The following UNC80 variants were observed in gnomAD, a reference collection of about 807,000 sequenced individuals.
The protein encoded by UNC80 is protein unc-80 homolog.
In UNC80, 164 loss-of-function variants were observed where a neutral mutation model predicts 384.6. That is an observed-to-expected ratio of 0.43 (90% CI 0.38 to 0.49). The LOEUF is 0.49. Among genes scored for constraint, UNC80 ranks in the 20% least tolerant of loss-of-function variants. The pLI, the probability that UNC80 is intolerant of heterozygous loss-of-function variation, is 0.00. For missense variants in UNC80, 3,330 were observed against 4,143.0 expected (o/e 0.80, Z 5.39); for synonymous variants, 1,486 against 1,527.8 (o/e 0.97, Z 0.64).
intron 10 of UNC80, among the ~76,000 whole-genome samples, chr2:209,817,332 T>C (rs2079812514): frequency 6.6e-6 from 1 of 152,122 alleles, no homozygotes; most frequent in Non-Finnish European, 1.5e-5. Context: ...AAGAGTTCTG[T>C]GAAATTGGAC....
At chr2:209,956,393 C>G (rs2092418432) in intron 48 of UNC80, among the ~76,000 whole-genome samples, 1 of 6,770 alleles carries the variant, frequency 1.5e-4, no homozygotes, top group South Asian at 5.8e-3. Context: ...GAATGAACTT[C>G]CAAGCTCATT....
intron 28 of UNC80, 70 bp from the exon 29 acceptor site, chr2:209,904,695 C>T (rs1416876075): frequency 2.4e-5 from 32 of 1,343,074 alleles, no homozygotes; most frequent in Non-Finnish European, 3.1e-5. Flanking sequence ...CCATCTTCCA[C>T]CCCATAGATA....
chr2:209,869,888 G>C (rs1295112234), intron 22 of UNC80, among the ~76,000 whole-genome samples: 1 of 152,162 alleles, frequency 6.6e-6, no homozygotes, highest in African/African-American at 2.4e-5. Context: ...GAGCACAGGA[G>C]AATTGAAATT....
Position 209,820,613 on chromosome 2 carries a change from TGATGGAGGAGGA to T in UNC80, c.2267_2278del (p.Asp756_Gly759del). 1 of 1,544,062 alleles carries T rather than the reference TGATGGAGGAGGA, an allele frequency of 6.5e-7. No homozygotes were observed. The highest frequency in any genetic ancestry group is 8.7e-7 in the Non-Finnish European group (1 of 1,143,912). ...GTGGAGATGGAGGAGGTGGAGGAGG[TGATGGAGGAGGA>T]GGTGGAGGAGGTGGAGGCGGCCCTT... On this transcript the variant is annotated inframe_deletion, in exon 13 of 65. Coordinates refer to ENST00000673920, the MANE Select transcript of UNC80 (RefSeq NM_001371986.1).
rs878921076 is a variant in UNC80, at chr2:209,978,584, C to T, written c.8994C>T (p.Arg2998=). The change falls in exon 59 of 65, where the codon CGC becomes CGT. Residue 2998 remains arginine (R), a synonymous_variant. Coordinates refer to ENST00000673920, the MANE Select transcript of UNC80 (RefSeq NM_001371986.1). The stretch of plus-strand genomic sequence containing the variant: ...TGGGCACCTCCACCTCTGCTTACCG[C>T]CTGAGCTTGGCCACCATGTCCCGCT... ...STVGTSTSAY[R]LSLATMSRSN... 3.9e-6 allele frequency: 6 copies of T among 1,551,364 alleles called. No homozygotes were observed. Among genetic ancestry groups the T allele is most frequent in the Middle Eastern group, 1.7e-4 (1 of 5,990 alleles).
At chr2:209,950,860 A>AT (rs34495564) in intron 47 of UNC80, among the ~76,000 whole-genome samples, 29,522 of 148,234 alleles carry the variant, frequency 0.2, 3,000 homozygotes, top group East Asian at 0.22. Context: ...ACCCAGCTGG[A>AT]TTTTTTTTTT....
At chr2:209,774,102 A>G (rs981242424) in intron 2 of UNC80, among the ~76,000 whole-genome samples, 1 of 152,234 alleles carries the variant, frequency 6.6e-6, no homozygotes, top group Non-Finnish European at 1.5e-5. Context: ...ATTTACAAAT[A>G]GCTATGTGGA....
At chr2:209,845,412 A>T (rs1381538182) in intron 21 of UNC80, among the ~76,000 whole-genome samples, 1 of 152,150 alleles carries the variant, frequency 6.6e-6, no homozygotes. Context: ...CTTCTTATTC[A>T]TGTTCCAAAC....
In UNC80 at chr2:209,777,541, C is replaced by T. The variant is rs1468436229; in HGVS notation, c.582C>T (p.Pro194=). 1.9e-6 allele frequency: 3 copies of T among 1,610,882 alleles called. No individual in the cohort carries two copies. Among genetic ancestry groups the T allele is most frequent in the South Asian group, 1.1e-5 (1 of 90,424 alleles). ...TVELFVFLFA[P]LVHRIKESDL... ...AGCTCTTCGTGTTTCTGTTTGCTCC[C>T]CTGGTACACAGGATCAAGGTAAGCA... The change falls in exon 4 of 65, where the codon CCC becomes CCT. Residue 194 remains proline, a synonymous_variant. Coordinates refer to ENST00000673920, the MANE Select transcript of UNC80 (RefSeq NM_001371986.1).
chr2:209,868,854 C>A (rs1369980451), intron 22 of UNC80, among the ~76,000 whole-genome samples: 1 of 152,152 alleles, frequency 6.6e-6, no homozygotes, highest in Non-Finnish European at 1.5e-5. Flanking sequence ...ATTTTGCCTT[C>A]CCAGTTAAAA....
intron 29 of UNC80, among the ~76,000 whole-genome samples, chr2:209,909,453 C>T (rs763769695): frequency 7.2e-5 from 11 of 152,174 alleles, no homozygotes; most frequent in Non-Finnish European, 1.2e-4. Context: ...CTGCTTCTTT[C>T]CGCATCATCT....
intron 7 of UNC80, among the ~76,000 whole-genome samples, chr2:209,801,633 G>A (rs141844088): frequency 2.7e-5 from 4 of 148,084 alleles, no homozygotes; most frequent in East Asian, 2.0e-4. Context: ...CACCCACCTC[G>A]GCCTCCCAAA....
intron 35 of UNC80, among the ~76,000 whole-genome samples, chr2:209,925,107 T>C (rs2090326186): frequency 6.6e-6 from 1 of 151,980 alleles, no homozygotes; most frequent in Non-Finnish European, 1.5e-5. Flanking sequence ...TTTTTTGTTG[T>C]TTTTTTAATA....
At chr2:209,905,338 A>C (rs1379541247) in intron 29 of UNC80, among the ~76,000 whole-genome samples, 1 of 152,174 alleles carries the variant, frequency 6.6e-6, no homozygotes, top group African/African-American at 2.4e-5. Context: ...TGTGATTGAA[A>C]ATTTTACAGT....
intron 28 of UNC80, among the ~76,000 whole-genome samples, chr2:209,902,272 G>C (rs773843244): frequency 1.7e-4 from 26 of 152,172 alleles, no homozygotes; most frequent in Non-Finnish European, 2.9e-4. Flanking sequence ...AAACTTGAGT[G>C]GGTGAGGAAG....
intron 59 of UNC80, among the ~76,000 whole-genome samples, chr2:209,979,813 T>A (rs2093113937): frequency 6.6e-6 from 1 of 152,228 alleles, no homozygotes; most frequent in African/African-American, 2.4e-5. Context: ...AATTTAGATC[T>A]TCACTCAGAG....
chr2:209,935,579 A>G, intron 39 of UNC80, 135 bp from the exon 40 acceptor site: 1 of 372,436 alleles, frequency 2.7e-6, no homozygotes, highest in Non-Finnish European at 4.8e-6. Flanking sequence ...AATAAAATAT[A>G]TATGTAACTA....
At chr2:209,803,634 T>C (rs889906615) in intron 7 of UNC80, among the ~76,000 whole-genome samples, 3 of 152,232 alleles carry the variant, frequency 2.0e-5, no homozygotes, top group African/African-American at 2.4e-5. Flanking sequence ...ATCAAGTCCT[T>C]TACATTCTGC....
At chr2:209,920,864 G>C (rs2089981337) in intron 33 of UNC80, among the ~76,000 whole-genome samples, 1 of 146,538 alleles carries the variant, frequency 6.8e-6, no homozygotes, top group African/African-American at 2.5e-5. Flanking sequence ...GTCTCGCTCT[G>C]TTGCCCAGGC....
Sources: allele counts gnomAD v4.1 joint callset (sites outside exome capture counted in the v4.1 genomes callset), GRCh38; gene constraint gnomAD v4.1.1; transcripts MANE v1.5; gene names NCBI Gene and HGNC (gene_info 2026-07-23, HGNC 2026-07-21).